MBIP: variants seen among roughly 807,000 people sequenced by gnomAD.
The protein encoded by MBIP is MAP3K12 binding inhibitory protein 1.
A neutral mutation model predicts 45.7 loss-of-function variants in MBIP; 32 were observed. The observed-to-expected ratio is 0.70, with a 90% CI of 0.53 to 0.94. The LOEUF (loss-of-function observed/expected upper bound fraction) is 0.94, where lower values mean the gene tolerates loss of function less well. MBIP is among the 40% of genes least tolerant of loss of function. MBIP has a pLI of 0.00. For missense variants in MBIP, 381 were observed against 405.5 expected (o/e 0.94, Z 0.52); for synonymous variants, 145 against 141.0 (o/e 1.03, Z -0.20).
intron 1 of MBIP, among the ~76,000 whole-genome samples, chr14:36,317,820 G>T (rs8010646): frequency 0.027 from 4,177 of 152,042 alleles, 58 homozygotes; most frequent in Non-Finnish European, 0.042. Context: ...AAGGTGTTAC[G>T]TGAGTTCAAA....
intron 7 of MBIP, among the ~76,000 whole-genome samples, chr14:36,305,578 T>C (rs1182449510): frequency 1.3e-5 from 2 of 152,174 alleles, no homozygotes; most frequent in African/African-American, 4.8e-5. Flanking sequence ...CCCCTGAAAT[T>C]AGGCAGTCAC....
chr14:36,315,075 A>C, intron 2 of MBIP, 160 bp from the exon 3 acceptor site: 1 of 568,912 alleles, frequency 1.8e-6, no homozygotes, highest in Non-Finnish European at 3.1e-6. Flanking sequence ...CTGACCACAT[A>C]TAAGTACTCA....
intron 1 of MBIP, among the ~76,000 whole-genome samples, chr14:36,318,571 GT>G (rs1880709504): frequency 6.6e-6 from 1 of 151,882 alleles, no homozygotes; most frequent in Admixed American, 6.6e-5. Flanking sequence ...TATATTTTCA[GT>G]AAAAACTTTA....
intron 6 of MBIP, among the ~76,000 whole-genome samples, chr14:36,310,330 G>A (rs1665069919): frequency 1.3e-5 from 2 of 152,046 alleles, no homozygotes; most frequent in African/African-American, 2.4e-5. Flanking sequence ...ACCATATTTT[G>A]TGTTTTTGTC....
At chr14:36,313,598 A>G (rs1388753217) in intron 4 of MBIP, 1 of 152,118 alleles carries the variant, frequency 6.6e-6, no homozygotes, top group Non-Finnish European at 1.5e-5. Flanking sequence ...GCTAACAGGA[A>G]AATATACCAA....
At chr14:36,312,922 AT>A (rs369731595) in intron 4 of MBIP, among the ~76,000 whole-genome samples, 56 of 150,430 alleles carry the variant, frequency 3.7e-4, no homozygotes, top group South Asian at 1.0e-3. Flanking sequence ...AAAAAAAATT[AT>A]TTTTTCCCCC....
At chr14:36,302,960 C>T (rs1879660120) in intron 7 of MBIP, among the ~76,000 whole-genome samples, 1 of 152,148 alleles carries the variant, frequency 6.6e-6, no homozygotes, top group South Asian at 2.1e-4. Context: ...TGATGCTGGG[C>T]AGTGGCAGTG....
intron 7 of MBIP, among the ~76,000 whole-genome samples, chr14:36,305,852 T>C (rs1879841013): frequency 6.6e-6 from 1 of 152,198 alleles, no homozygotes; most frequent in African/African-American, 2.4e-5. Context: ...TCTGTCTCTT[T>C]CCACATCCAA....
At chr14:36,313,237 A>G (rs765695912) in intron 4 of MBIP, 3 of 151,988 alleles carry the variant, frequency 2.0e-5, no homozygotes, top group Non-Finnish European at 4.4e-5. Context: ...GGGTTAAAAA[A>G]AGAAGCTATC....
At chr14:36,299,229 T>G (rs1879383523) in intron 8 of MBIP, 39 bp from the exon 9 acceptor site, 1 of 1,367,880 alleles carries the variant, frequency 7.3e-7, no homozygotes. Context: ...AATAAGATTC[T>G]GAAGTATCTT....
Position 36,300,751 on chromosome 14 carries a change from T to C in MBIP, c.927+34A>G, listed in dbSNP as rs1879493300. The C allele has an allele frequency of 2.0e-6, 3 of 1,496,060 alleles. No homozygotes were observed. In the East Asian group the frequency reaches 6.8e-5, roughly 34 times the overall value. The allele number at this position is 1,496,060 out of a possible 1,614,324, so 92.7% of individuals were successfully genotyped here. A position where few individuals can be genotyped will look rare whatever the true frequency, so the allele number is the denominator to read the frequency against. On this transcript the variant is annotated intron_variant, in intron 8 of 8. Transcript: ENST00000416007. ...GAAAGGTATAAAACTAATCAAACTA[T>C]TTCAGAAACCAAAATGAAAATGCAG...
rs529115195 is a variant in MBIP, at chr14:36,302,379, C to A, written c.889-1556G>T. Among the ~76,000 whole-genome samples, 20 of 151,824 alleles carry A rather than the reference C, an allele frequency of 1.3e-4. No individual in the cohort carries two copies. The South Asian group carries it at 3.7e-3, about 28-fold the overall frequency. On this transcript the variant is annotated intron_variant, in intron 7 of 8. Coordinates refer to ENST00000416007, the MANE Select transcript of MBIP (RefSeq NM_016586.3). The stretch of plus-strand genomic sequence containing the variant: ...TGGTGGCAGGTGCCTGCAGTCCCAG[C>A]TACTTGGGAGGCTGAGGCAGGAGAA...
At chr14:36,316,847 T>C (rs1341694040) in intron 1 of MBIP, 35 bp from the exon 2 acceptor site, 2 of 1,586,624 alleles carry the variant, frequency 1.3e-6, no homozygotes, top group Non-Finnish European at 1.7e-6. Context: ...TCACAAAAAT[T>C]ACACGATTAA....
At chr14:36,300,481 G>A (rs1285452075) in intron 8 of MBIP, among the ~76,000 whole-genome samples, 4 of 152,162 alleles carry the variant, frequency 2.6e-5, no homozygotes, top group Non-Finnish European at 5.9e-5. Flanking sequence ...TTCACAAAAG[G>A]AAGGGATGGG....
At chr14:36,307,530 AC>A (rs1275511814) in intron 7 of MBIP, among the ~76,000 whole-genome samples, 1 of 152,208 alleles carries the variant, frequency 6.6e-6, no homozygotes, top group East Asian at 1.9e-4. Context: ...ATACTAACTT[AC>A]CAGCACAACA....
At chr14:36,312,511 C>G (rs1417651678) in intron 4 of MBIP, among the ~76,000 whole-genome samples, 1 of 152,064 alleles carries the variant, frequency 6.6e-6, no homozygotes, top group Non-Finnish European at 1.5e-5. Context: ...CTCAAAACCT[C>G]AAGTACACAT....
chr14:36,313,277 T>C (rs896030027), intron 4 of MBIP: 6 of 151,970 alleles, frequency 3.9e-5, no homozygotes, highest in Non-Finnish European at 5.9e-5. Context: ...TCCAAACATA[T>C]AGATTAACTG....
At chr14:36,308,015 A>G (rs1879983876) in intron 7 of MBIP, 77 bp downstream of exon 7, 2 of 772,646 alleles carry the variant, frequency 2.6e-6, no homozygotes, top group Non-Finnish European at 4.3e-6. Context: ...TTATAGATCA[A>G]TGAGTGACTG....
At chr14:36,304,341 A>G (rs1471452492) in intron 7 of MBIP, among the ~76,000 whole-genome samples, 1 of 152,250 alleles carries the variant, frequency 6.6e-6, no homozygotes, top group Non-Finnish European at 1.5e-5. Flanking sequence ...GATATTGACT[A>G]CATTCTGTGT....
Sources: gnomAD v4.1 joint callset for allele counts (sites outside exome capture counted in the v4.1 genomes callset) on GRCh38, gnomAD v4.1.1 for gene constraint, MANE v1.5 for transcripts, NCBI Gene and HGNC (gene_info 2026-07-23, HGNC 2026-07-21) for gene names.